The following COG7 variants were observed in gnomAD, a reference collection of about 807,000 sequenced individuals.
COG7 encodes the protein component of oligomeric golgi complex 7.
A neutral mutation model predicts 91.5 loss-of-function variants in COG7; 49 were observed. The ratio of observed to expected loss-of-function variants is 0.54; its 90% CI spans 0.43 to 0.68. The LOEUF is 0.68. Among genes scored for constraint, COG7 ranks in the 30% least tolerant of loss-of-function variants. The pLI is 0.00. For missense variants in COG7, 895 were observed against 961.3 expected, an observed-to-expected ratio of 0.93 and a Z score of 0.91; for synonymous variants, 365 against 388.7, an observed-to-expected ratio of 0.94 and a Z score of 0.72.
At chr16:23,417,330 A>G (rs1444211365) in intron 8 of COG7, 1 of 608,880 alleles carries the variant, frequency 1.6e-6, no homozygotes, top group Non-Finnish European at 2.9e-6. Flanking sequence ...CACTCCTGGC[A>G]GAAAAGCATG....
rs1359659760 is a variant in COG7 at position 23,433,685 on chromosome 16, A to C, written c.688-18T>G. The C allele has an allele frequency of 3.7e-6, 6 of 1,613,750 alleles. No individual in the cohort carries two copies. The highest frequency in any genetic ancestry group is 5.1e-6 in the Non-Finnish European group (6 of 1,179,914). On this transcript the variant is annotated intron_variant, in intron 5 of 16. Transcript: ENST00000307149. ...AGCTGCACCTGCAGAGACAGAACAAAGGGAACCTTATTGGGTACGTCAACA... is the reference window on the plus strand; with the variant it reads ...AGCTGCACCTGCAGAGACAGAACAACGGGAACCTTATTGGGTACGTCAACA...
At position 23,453,100 on chromosome 16, in the gene COG7, G is replaced by A. The variant is rs1324751511; in HGVS notation, c.-106C>T. On this transcript the variant is annotated 5_prime_UTR_variant, in exon 1 of 17. Transcript: ENST00000307149. ...TGCGAGAGCACCGAGGCTAGCCTCC[G>A]AGGCGAACCCCAGAAACGCCAGGAC... 3 of 1,552,028 alleles carry A rather than the reference G, an allele frequency of 1.9e-6. No homozygotes were observed. Among genetic ancestry groups the A allele is most frequent in the Admixed American group, 1.9e-5 (1 of 51,768 alleles).
intron 4 of COG7, among the ~76,000 whole-genome samples, chr16:23,438,752 A>C (rs1315693721): frequency 6.6e-6 from 1 of 152,106 alleles, no homozygotes; most frequent in African/African-American, 2.4e-5. Context: ...AAAAATGACA[A>C]GGGTTGGAAA....
intron 6 of COG7, among the ~76,000 whole-genome samples, chr16:23,431,413 A>G (rs1345832910): frequency 6.6e-6 from 1 of 152,234 alleles, no homozygotes; most frequent in Non-Finnish European, 1.5e-5. Context: ...TGAGAAGTCT[A>G]AGTTCTTTTT....
At chr16:23,428,321 C>T (rs996291802) in intron 6 of COG7, among the ~76,000 whole-genome samples, 14 of 152,014 alleles carry the variant, frequency 9.2e-5, no homozygotes, top group Admixed American at 3.9e-4. Flanking sequence ...TGCACTTCAG[C>T]CTGGGTGACA....
chr16:23,407,276 C>A (rs959842831), intron 11 of COG7, among the ~76,000 whole-genome samples: 1 of 152,226 alleles, frequency 6.6e-6, no homozygotes, highest in African/African-American at 2.4e-5. Flanking sequence ...CTTGAGCCAA[C>A]CAGTAACTTT....
chr16:23,449,381 TA>T (rs1964230166), intron 1 of COG7, among the ~76,000 whole-genome samples: 3 of 19,966 alleles, frequency 1.5e-4, no homozygotes, highest in Non-Finnish European at 3.8e-4. Flanking sequence ...AAAATTAAAT[TA>T]AAATAAAATA....
At position 23,433,668 on chromosome 16, in the gene COG7, C is replaced by A; in HGVS notation, c.688-1G>T. ...CTTGCCAGGCTGCTAAAAGCTGCAC[C>A]TGCAGAGACAGAACAAAGGGAACCT... is the stretch of plus-strand genomic sequence containing the variant. On this transcript the variant is annotated splice_acceptor_variant, in intron 5 of 16. Coordinates refer to ENST00000307149, the MANE Select transcript of COG7 (RefSeq NM_153603.4). LOFTEE classifies it high-confidence loss of function. 1 of 1,614,042 alleles carries A rather than the reference C, an allele frequency of 6.2e-7. No homozygotes were observed. Among genetic ancestry groups the A allele is most frequent in the Non-Finnish European group, 8.5e-7 (1 of 1,179,990 alleles).
chr16:23,394,629 A>G (rs916695536), intron 14 of COG7, among the ~76,000 whole-genome samples: 14 of 152,012 alleles, frequency 9.2e-5, no homozygotes, highest in African/African-American at 3.1e-4. Flanking sequence ...GGCCTCACAC[A>G]TGTCTACGTA....
intron 2 of COG7, 137 bp downstream of exon 2, chr16:23,445,676 G>C: frequency 1.1e-6 from 1 of 875,828 alleles, no homozygotes; most frequent in Non-Finnish European, 1.9e-6. Flanking sequence ...AAAGAGCATA[G>C]CTGGAGTGCT....
In COG7 at chr16:23,410,291, C is replaced by T. The variant is rs372160869; in HGVS notation, c.1475+4G>A. 7.1e-5 allele frequency: 114 copies of T among 1,613,542 alleles called. No individual in the cohort carries two copies. The highest frequency in any genetic ancestry group is 9.2e-5 in the Non-Finnish European group (109 of 1,179,670). ...TGTAGAGGACAATGACTCCTCTCTCCTACCTGTTGGCTAGCTGCTGCTCGA... is the reference window on the plus strand; with the variant it reads ...TGTAGAGGACAATGACTCCTCTCTCTTACCTGTTGGCTAGCTGCTGCTCGA... On this transcript the variant is annotated splice_donor_region_variant and intron_variant, in intron 11 of 16. Transcript: ENST00000307149.
chr16:23,400,354 A>G (rs1342926460), intron 13 of COG7, among the ~76,000 whole-genome samples: 1 of 152,206 alleles, frequency 6.6e-6, no homozygotes, highest in African/African-American at 2.4e-5. Context: ...AGGAAGGGAC[A>G]GCAATCCTTG....
rs994816379 is a variant in COG7 at position 23,418,818 on chromosome 16, T to C, written c.1019A>G (p.Asn340Ser). ...CACCAGCTCCGTGACTTTTACCAGA[T>C]TGTGTTCATCTTTAGGGAATCAGAA... ...MALLPHLHEH[N>S]LVKVTELVDA... The change falls in exon 8 of 17, where the codon AAT becomes AGT. Residue 340 changes from asparagine to serine, a missense_variant. Coordinates refer to ENST00000307149, the MANE Select transcript of COG7 (RefSeq NM_153603.4). 18 of 1,613,568 alleles carry C rather than the reference T, an allele frequency of 1.1e-5. No individual in the cohort carries two copies. The highest frequency in any genetic ancestry group is 1.4e-5 in the Non-Finnish European group (16 of 1,179,564).
At chr16:23,427,669 G>C (rs1448941858) in intron 6 of COG7, among the ~76,000 whole-genome samples, 1 of 152,116 alleles carries the variant, frequency 6.6e-6, no homozygotes, top group East Asian at 1.9e-4. Context: ...GTTCCCGTCA[G>C]TAACATCTCC....
intron 13 of COG7, among the ~76,000 whole-genome samples, chr16:23,402,005 C>G (rs768954631): frequency 4.6e-5 from 7 of 151,960 alleles, no homozygotes; most frequent in Non-Finnish European, 8.8e-5. Context: ...TGTAGTGAGC[C>G]AAGATTGTGC....
At chr16:23,414,778 AC>A (rs1303961095) in intron 9 of COG7, 2 of 149,876 alleles carry the variant, frequency 1.3e-5, no homozygotes, top group African/African-American at 4.9e-5. Flanking sequence ...AAGCTACGAA[AC>A]CTGTGCCTCA....
chr16:23,434,610 A>T, intron 5 of COG7, 26 bp downstream of exon 5: 1 of 1,556,214 alleles, frequency 6.4e-7, no homozygotes, highest in Non-Finnish European at 8.9e-7. Flanking sequence ...ACAACTGCAC[A>T]ACTGTCATCG....
intron 1 of COG7, among the ~76,000 whole-genome samples, chr16:23,448,499 T>A (rs139632839): frequency 3.3e-4 from 50 of 152,294 alleles, no homozygotes; most frequent in Middle Eastern, 3.4e-3. Context: ...GGTCTTGCTA[T>A]GTTGTCTAGG....
chr16:23,392,529 A>G lies in COG7; in HGVS notation c.2003-6T>C. On this transcript the variant is annotated splice_region_variant and splice_polypyrimidine_tract_variant and intron_variant, in intron 15 of 16. Coordinates refer to ENST00000307149, the MANE Select transcript of COG7 (RefSeq NM_153603.4). The stretch of plus-strand genomic sequence containing the variant: ...CAGCTCGGGCAATTCATCCCCTGAA[A>G]AGAAAAGGAGGTCACCAAGGAAAAC... The G allele has an allele frequency of 1.2e-6, 2 of 1,614,202 alleles. No individual in the cohort carries two copies. The highest frequency in any genetic ancestry group is 1.7e-6 in the Non-Finnish European group (2 of 1,180,016).
Sources: gnomAD v4.1 joint callset for allele counts (sites outside exome capture counted in the v4.1 genomes callset) on GRCh38, gnomAD v4.1.1 for gene constraint, MANE v1.5 for transcripts, NCBI Gene and HGNC (gene_info 2026-07-23, HGNC 2026-07-21) for gene names.